The following ARMC9 variants were observed in gnomAD, a reference collection of about 807,000 sequenced individuals.
The protein encoded by ARMC9 is armadillo repeat containing 9.
A neutral mutation model predicts 107.0 loss-of-function variants in ARMC9; 94 were observed. That is an observed-to-expected ratio of 0.88 (90% confidence interval 0.74 to 1.04). The LOEUF (loss-of-function observed/expected upper bound fraction) is 1.04, where lower values mean the gene tolerates loss of function less well. ARMC9 is among the 50% of genes least tolerant of loss of function. The probability of loss-of-function intolerance (pLI) is 0.00; values close to 1 mark genes in which losing one functional copy is unlikely to be tolerated. For synonymous variants in ARMC9, 380 were observed against 396.9 expected, an observed-to-expected ratio of 0.96 and a Z score of 0.51; for missense variants, 942 against 1,030.1, an observed-to-expected ratio of 0.91 and a Z score of 1.17.
At chr2:231,286,857 A>T (rs1183629122) in intron 17 of ARMC9, among the ~76,000 whole-genome samples, 8 of 152,220 alleles carry the variant, frequency 5.3e-5, no homozygotes, top group African/African-American at 9.6e-5. Flanking sequence ...TAAAGGGAAA[A>T]AGGAGAACAA....
intron 17 of ARMC9, among the ~76,000 whole-genome samples, chr2:231,284,937 C>T (rs985458820): frequency 3.9e-5 from 6 of 152,158 alleles, no homozygotes; most frequent in African/African-American, 1.4e-4. Context: ...CGGTGGCTCA[C>T]GCCTGTAATC....
intron 3 of ARMC9, among the ~76,000 whole-genome samples, 191 bp from the exon 4 acceptor site, chr2:231,214,640 A>T (rs1013148240): frequency 9.9e-5 from 15 of 152,172 alleles, no homozygotes; most frequent in African/African-American, 3.6e-4. Context: ...TAGATATTGC[A>T]AAGGTGTGGG....
intron 19 of ARMC9, among the ~76,000 whole-genome samples, chr2:231,327,481 C>T (rs2043405506): frequency 6.6e-6 from 1 of 152,148 alleles, no homozygotes; most frequent in Admixed American, 6.5e-5. Context: ...CATCATTCTC[C>T]GGAGATCCAT....
chr2:231,207,990 T>C, intron 2 of ARMC9, 137 bp from the exon 3 acceptor site: 1 of 531,516 alleles, frequency 1.9e-6, no homozygotes, highest in South Asian at 2.4e-5. Flanking sequence ...TTGTTAGTGA[T>C]GTTAAGCACC....
intron 19 of ARMC9, among the ~76,000 whole-genome samples, chr2:231,300,451 G>A (rs2041651164): frequency 6.6e-6 from 1 of 152,220 alleles, no homozygotes; most frequent in African/African-American, 2.4e-5. Context: ...AGCCTAGATA[G>A]GGAAGATCAC....
At chr2:231,371,176 C>T (rs2046006067) in intron 24 of ARMC9, 1 of 559,116 alleles carries the variant, frequency 1.8e-6, no homozygotes. Flanking sequence ...GCAACAGTGA[C>T]ACCAGCAGCT....
In ARMC9 at chr2:231,235,335, C is replaced by A; in HGVS notation, c.734C>A (p.Thr245Lys). Residue 245 changes from threonine to lysine, a missense_variant, in exon 8 of 25, where the codon ACA becomes AAA. Transcript: ENST00000611582. ...QADYHNLIGV[T>K]AELVDSLEAT... ...GACTACCACAATCTCATTGGAGTCA[C>A]AGCAGAGCTGGTGGATTCTCTAGAG... The A allele has an allele frequency of 6.2e-7, 1 of 1,614,204 alleles. No individual in the cohort carries two copies. The highest frequency in any genetic ancestry group is 1.6e-4 in the Middle Eastern group (1 of 6,062).
At chr2:231,257,355 G>A (rs1304098817) in intron 10 of ARMC9, among the ~76,000 whole-genome samples, 1 of 152,178 alleles carries the variant, frequency 6.6e-6, no homozygotes, top group African/African-American at 2.4e-5. Context: ...CCTTACGAGT[G>A]TCTGATGCTG....
chr2:231,231,825 A>T (rs905723739), intron 7 of ARMC9, among the ~76,000 whole-genome samples: 2 of 151,576 alleles, frequency 1.3e-5, no homozygotes, highest in African/African-American at 4.9e-5. Flanking sequence ...AGTAGCTGGG[A>T]TTACAAGAGT....
chr2:231,306,348 A>C (rs148519047), intron 19 of ARMC9, among the ~76,000 whole-genome samples: 3 of 152,242 alleles, frequency 2.0e-5, no homozygotes, highest in African/African-American at 7.2e-5. Flanking sequence ...TACCTGATAC[A>C]TAAAGACTTG....
intron 19 of ARMC9, among the ~76,000 whole-genome samples, chr2:231,330,117 C>T (rs1397911117): frequency 6.6e-6 from 1 of 152,146 alleles, no homozygotes; most frequent in East Asian, 1.9e-4. Context: ...TATGTGTCTG[C>T]CCCTCTGCCA....
Position 231,255,558 on chromosome 2 carries a change from G to T in ARMC9, c.880-1028G>T, listed in dbSNP as rs1159604237. Reference sequence around the variant, plus strand: ...TGGTTGTTTTTGTTTTTTTTCTAAAGAAAATAAAGGAATCAAAGAATGGTT... The same window carrying T: ...TGGTTGTTTTTGTTTTTTTTCTAAATAAAATAAAGGAATCAAAGAATGGTT... On this transcript the variant is annotated intron_variant, in intron 9 of 24. Coordinates refer to ENST00000611582, the MANE Select transcript of ARMC9 (RefSeq NM_001352754.2). This position sits in a 1 kb window ranked among gnomAD's most constrained non-coding sequence, Gnocchi z 4.7. Among the ~76,000 whole-genome samples the T allele has an allele frequency of 6.6e-6, 1 of 151,942 alleles. No individual in the cohort carries two copies. The highest frequency in any genetic ancestry group is 6.6e-5 in the Admixed American group (1 of 15,250).
Position 231,362,482 on chromosome 2 carries a change from G to A in ARMC9, c.2261+1599G>A, listed in dbSNP as rs1187438766. ...ACAGTAGGTAGGCAGCCGACCCTGA[G>A]GGACCTCATTACATCAAGCAGCGTT... is the stretch of plus-strand genomic sequence containing the variant. On this transcript the variant is annotated intron_variant, in intron 23 of 24. Transcript: ENST00000611582. The surrounding 1 kb of genome is among the most constrained non-coding windows in gnomAD (Gnocchi z 4.7). Among the ~76,000 whole-genome samples the A allele has an allele frequency of 6.6e-6, 1 of 151,992 alleles. No individual in the cohort carries two copies. Among genetic ancestry groups the A allele is most frequent in the Non-Finnish European group, 1.5e-5 (1 of 68,010 alleles).
chr2:231,233,559 C>G (rs1044739581), intron 7 of ARMC9, among the ~76,000 whole-genome samples: 1 of 152,076 alleles, frequency 6.6e-6, no homozygotes, highest in Non-Finnish European at 1.5e-5. Context: ...GGTGGATCAC[C>G]TGAGGTCGGG....
intron 12 of ARMC9, among the ~76,000 whole-genome samples, chr2:231,266,989 G>A (rs141683361): frequency 5.9e-5 from 9 of 152,292 alleles, no homozygotes; most frequent in African/African-American, 1.9e-4. Flanking sequence ...CTTTTGTGCT[G>A]AGTAGCAAGC....
rs569240688 is a variant in ARMC9 at position 231,213,896 on chromosome 2, G to A, written c.178-935G>A. Among the ~76,000 whole-genome samples, 36 of 152,294 alleles carry A rather than the reference G, an allele frequency of 2.4e-4. 1 individual carries two copies. The South Asian group carries it at 5.6e-3, about 24-fold the overall frequency. On this transcript the variant is annotated intron_variant, in intron 3 of 24. Transcript: ENST00000611582. ...CTCAGAAACGCTGTTGCAGTTGAGC[G>A]TAAAATGTAAGTACAAATATCTTGG...
intron 19 of ARMC9, among the ~76,000 whole-genome samples, chr2:231,327,816 G>A (rs1173032622): frequency 1.3e-5 from 2 of 151,916 alleles, no homozygotes; most frequent in East Asian, 1.9e-4. Context: ...ACTGAGTCTT[G>A]CTCTGTCACC....
chr2:231,279,999 C>T (rs1386249715), intron 16 of ARMC9, among the ~76,000 whole-genome samples: 1 of 152,172 alleles, frequency 6.6e-6, no homozygotes, highest in Non-Finnish European at 1.5e-5. Flanking sequence ...CTGTTCCTCA[C>T]TTTATTCAAC....
chr2:231,245,197 T>TA (rs374624008), intron 9 of ARMC9, among the ~76,000 whole-genome samples: 3 of 152,344 alleles, frequency 2.0e-5, no homozygotes, highest in African/African-American at 4.8e-5. Context: ...CTGTAGTCCT[T>TA]ACCTTATCAG....
Sources: gnomAD v4.1 joint callset for allele counts (sites outside exome capture counted in the v4.1 genomes callset) on GRCh38, gnomAD v4.1.1 for gene constraint, Gnocchi (gnomAD v3.1) non-coding constraint, MANE v1.5 for transcripts, NCBI Gene and HGNC (gene_info 2026-07-23, HGNC 2026-07-21) for gene names.